The following USH2A variants were observed in gnomAD, a reference collection of about 807,000 sequenced individuals.
The protein encoded by USH2A is Usher syndrome 2A (autosomal recessive, mild).
Under a neutral mutation model 538.9 loss-of-function variants are expected in USH2A, and 443 were observed. The observed-to-expected ratio is 0.82, with a 90% confidence interval of 0.76 to 0.89. The LOEUF (loss-of-function observed/expected upper bound fraction) is 0.89, where lower values mean the gene tolerates loss of function less well. USH2A is among the 40% of genes least tolerant of loss of function. The pLI is 0.00. For synonymous variants in USH2A, 2,413 were observed against 2,273.5 expected (o/e 1.06, Z -1.75); for missense variants, 6,633 against 6,324.8 (o/e 1.05, Z -1.65).
At chr1:216,312,846 G>C (rs1361826786) in intron 9 of USH2A, among the ~76,000 whole-genome samples, 2 of 151,898 alleles carry the variant, frequency 1.3e-5, no homozygotes, top group East Asian at 3.9e-4. Flanking sequence ...TTCTTTGTTT[G>C]TTTGTTTTTG....
At chr1:215,732,064 G>A (rs923956174) in intron 60 of USH2A, among the ~76,000 whole-genome samples, 6 of 152,172 alleles carry the variant, frequency 3.9e-5, no homozygotes, top group South Asian at 2.1e-4. Context: ...TGTAATGCAT[G>A]ATCTGAATGA....
intron 47 of USH2A, among the ~76,000 whole-genome samples, chr1:215,835,164 CAAAAAAAAAA>C (rs34758891): frequency 1.8e-5 from 1 of 56,120 alleles, no homozygotes; most frequent in Admixed American, 2.5e-4. Flanking sequence ...AGTGATGCAC[CAAAAAAAAAA>C]AAAAAAAAAA....
intron 35 of USH2A, among the ~76,000 whole-genome samples, chr1:215,978,169 G>A (rs542289724): frequency 6.6e-6 from 1 of 152,288 alleles, no homozygotes; most frequent in South Asian, 2.1e-4. Context: ...CTTTGAGACA[G>A]ACAATAGGGT....
At chr1:216,381,524 A>G (rs888419935) in intron 3 of USH2A, among the ~76,000 whole-genome samples, 4 of 152,188 alleles carry the variant, frequency 2.6e-5, no homozygotes, top group Non-Finnish European at 5.9e-5. Flanking sequence ...TAGGGGGAAA[A>G]GTGGAAAGGG....
In USH2A at chr1:216,364,989, C is replaced by CA; in HGVS notation, c.747dup (p.Ala250CysfsTer73). The stretch of plus-strand genomic sequence containing the variant: ...TGTCCTATTTGCACAGTACCAGATG[C>CA]AAAATCTGTAATTGAACCACTTAGA... On this transcript the variant is annotated frameshift_variant, in exon 4 of 72. Transcript: ENST00000307340. LOFTEE classifies it high-confidence loss of function. 6.2e-7 allele frequency: 1 copy of CA among 1,613,674 alleles called. No homozygotes were observed. The highest frequency in any genetic ancestry group is 8.5e-7 in the Non-Finnish European group (1 of 1,179,756).
chr1:215,840,362 T>C (rs1031236134), intron 46 of USH2A, among the ~76,000 whole-genome samples: 7 of 151,984 alleles, frequency 4.6e-5, no homozygotes, highest in African/African-American at 1.7e-4. Flanking sequence ...AAATTTGATG[T>C]TCAAATTTCC....
chr1:216,324,282 T>C lies in USH2A; in HGVS notation c.1214A>G (p.Asn405Ser). ...TTGCCAGTCCTCCCAATCTAAACTA[T>C]TTTCCTTCTTCCTTTGAATCCTTAT... Reference protein sequence around the residue: ...TEIRIQRKKENSLDWEDWQYF... With the variant: ...TEIRIQRKKESSLDWEDWQYF... Residue 405 changes from asparagine to serine, a missense_variant, in exon 7 of 72, where the codon AAT becomes AGT. Coordinates refer to ENST00000307340, the MANE Select transcript of USH2A (RefSeq NM_206933.4). The C allele has an allele frequency of 6.2e-7, 1 of 1,613,186 alleles. No homozygotes were observed. Among genetic ancestry groups the C allele is most frequent in the Non-Finnish European group, 8.5e-7 (1 of 1,179,582 alleles).
chr1:215,756,411 G>T (rs1454184908), intron 58 of USH2A, among the ~76,000 whole-genome samples: 3 of 152,048 alleles, frequency 2.0e-5, no homozygotes, highest in Admixed American at 6.6e-5. Context: ...ATAAACCATG[G>T]GACTTCCCAG....
chr1:215,633,656 A>G (rs746421423), intron 70 of USH2A, among the ~76,000 whole-genome samples: 25 of 152,148 alleles, frequency 1.6e-4, no homozygotes, highest in Non-Finnish European at 3.4e-4. Flanking sequence ...GCAAACTGGA[A>G]AAAAGGCACC....
At chr1:216,074,802 C>T (rs2031693959) in intron 27 of USH2A, among the ~76,000 whole-genome samples, 1 of 152,136 alleles carries the variant, frequency 6.6e-6, no homozygotes, top group Admixed American at 6.6e-5. Flanking sequence ...AACTTCCCTA[C>T]CAACAAAATC....
At chr1:215,824,371 A>AT (rs558786468) in intron 47 of USH2A, among the ~76,000 whole-genome samples, 28 of 151,806 alleles carry the variant, frequency 1.8e-4, no homozygotes, top group South Asian at 1.5e-3. Flanking sequence ...CATTTTTTTT[A>AT]ATTCACTGGG....
chr1:216,173,866 G>T, intron 21 of USH2A: 1 of 706,946 alleles, frequency 1.4e-6, no homozygotes, highest in South Asian at 6.4e-5. Context: ...TTGGATCAGG[G>T]AGGTAGTTTC....
intron 61 of USH2A, among the ~76,000 whole-genome samples, chr1:215,687,617 G>A (rs1658473680): frequency 6.6e-6 from 1 of 152,030 alleles, no homozygotes; most frequent in African/African-American, 2.4e-5. Flanking sequence ...TTAAATTTGT[G>A]ATAATTAAAT....
intron 38 of USH2A, among the ~76,000 whole-genome samples, chr1:215,923,325 A>G (rs1184287038): frequency 1.3e-5 from 2 of 152,052 alleles, no homozygotes; most frequent in African/African-American, 4.8e-5. Flanking sequence ...CAAAGGATCA[A>G]ATGACGTCAC....
At chr1:216,401,572 C>T (rs988974500) in intron 3 of USH2A, among the ~76,000 whole-genome samples, 7 of 151,942 alleles carry the variant, frequency 4.6e-5, no homozygotes, top group African/African-American at 1.7e-4. Context: ...ACTTCATGGA[C>T]ATCAACACAG....
At position 215,661,537 on chromosome 1, in the gene USH2A, T is replaced by A. The variant is rs987651674; in HGVS notation, c.14133+9435A>T. Among the ~76,000 whole-genome samples, 7 of 152,308 alleles carry A rather than the reference T, an allele frequency of 4.6e-5. 1 individual carries two copies. The East Asian group carries it at 9.7e-4, about 21-fold the overall frequency. ...CCATAAATAGCCTCTTCATTAAATT[T>A]TCTTCAAATACCCTTTGAATGTGCC... On this transcript the variant is annotated intron_variant, in intron 64 of 71. Coordinates refer to ENST00000307340, the MANE Select transcript of USH2A (RefSeq NM_206933.4).
chr1:216,168,274 G>A (rs1039227804), intron 21 of USH2A, among the ~76,000 whole-genome samples: 2 of 151,970 alleles, frequency 1.3e-5, no homozygotes, highest in African/African-American at 4.8e-5. Context: ...TTAAGCAACA[G>A]CATTTTTTTT....
At chr1:216,285,790 T>A (rs1238050985) in intron 11 of USH2A, among the ~76,000 whole-genome samples, 1 of 152,208 alleles carries the variant, frequency 6.6e-6, no homozygotes, top group African/African-American at 2.4e-5. Context: ...GCCCTGGATG[T>A]AAGATATGGA....
intron 32 of USH2A, among the ~76,000 whole-genome samples, chr1:216,037,442 G>A (rs1481378174): frequency 3.9e-5 from 6 of 152,072 alleles, no homozygotes; most frequent in Non-Finnish European, 7.4e-5. Context: ...GCTCTTGACT[G>A]GTCCACTTTT....
Sources: gnomAD v4.1 joint callset for allele counts (sites outside exome capture counted in the v4.1 genomes callset) on GRCh38, gnomAD v4.1.1 for gene constraint, MANE v1.5 for transcripts, NCBI Gene and HGNC (gene_info 2026-07-23, HGNC 2026-07-21) for gene names.